The following PLD1 variants were observed in gnomAD, a reference collection of about 807,000 sequenced individuals.
PLD1 encodes phospholipase D1, also known as choline phosphatase 1.
In PLD1, 112 loss-of-function variants were observed where a neutral mutation model predicts 137.1. The ratio of observed to expected loss-of-function variants is 0.82; its 90% CI spans 0.70 to 0.96. PLD1 has a LOEUF of 0.96. PLD1 is among the 40% of genes least tolerant of loss of function. The pLI, the probability that PLD1 is intolerant of heterozygous loss-of-function variation, is 0.00. For synonymous variants in PLD1, 431 were observed against 454.7 expected (o/e 0.95, Z 0.66); for missense variants, 1,321 against 1,342.0 (o/e 0.98, Z 0.24).
intron 1 of PLD1, among the ~76,000 whole-genome samples, chr3:171,773,742 A>AGTTT (rs139067977): frequency 0.049 from 7,500 of 151,570 alleles, 451 homozygotes; most frequent in African/African-American, 0.15. Flanking sequence ...TTATTATACC[A>AGTTT]GTTTGTTTGT....
chr3:171,779,882 A>C (rs2108339904), intron 1 of PLD1, among the ~76,000 whole-genome samples: 1 of 150,902 alleles, frequency 6.6e-6, no homozygotes, highest in Middle Eastern at 3.4e-3. Flanking sequence ...AACATTCAGG[A>C]CTGGGGTTTG....
rs571538714 is a variant in PLD1 at position 171,680,242 on chromosome 3, C to CTTTTTTTTTTTTTTTT, written c.1868-2564_1868-2549dup. On this transcript the variant is annotated intron_variant, in intron 16 of 26. Coordinates refer to ENST00000351298, the MANE Select transcript of PLD1 (RefSeq NM_002662.5). ...GTCTTTTTGTTTTCTTTTTCTTCCT[C>CTTTTTTTTTTTTTTTT]TTTTTTTTTTTTTTTTTTTTTTTTT... Among the ~76,000 whole-genome samples the CTTTTTTTTTTTTTTTT allele has an allele frequency of 9.7e-5, 10 of 102,928 alleles. 1 individual carries two copies. Among genetic ancestry groups the CTTTTTTTTTTTTTTTT allele is most frequent in the Non-Finnish European group, 9.5e-5 (5 of 52,644 alleles). The allele number at this position is 102,928 out of a possible 152,430, so 67.5% of individuals were successfully genotyped here.
intron 23 of PLD1, 25 bp from the exon 24 acceptor site, chr3:171,620,545 A>G (rs1264912845): frequency 7.0e-7 from 1 of 1,420,450 alleles, no homozygotes; most frequent in South Asian, 1.2e-5. Context: ...AGAAATTATT[A>G]AAATTAATAT....
In PLD1 at chr3:171,786,393, C is replaced by G. The variant is rs1416372305; in HGVS notation, c.-32+24006G>C. 4.6e-5 allele frequency among the ~76,000 whole-genome samples: 7 copies of G among 152,236 alleles called. No homozygotes were observed. The East Asian group carries it at 1.4e-3, about 29-fold the overall frequency. On this transcript the variant is annotated intron_variant, in intron 1 of 26. Coordinates refer to ENST00000351298, the MANE Select transcript of PLD1 (RefSeq NM_002662.5). ...TTGTCTTTCTAAACCAAGGAGCAGCCACCCTCAAGTCCATCTGGAAATGGC... is the reference window on the plus strand; with the variant it reads ...TTGTCTTTCTAAACCAAGGAGCAGCGACCCTCAAGTCCATCTGGAAATGGC...
chr3:171,808,522 C>T (rs998895909), intron 1 of PLD1, among the ~76,000 whole-genome samples: 2 of 151,934 alleles, frequency 1.3e-5, no homozygotes, highest in African/African-American at 4.8e-5. Context: ...GGCGACAGAG[C>T]GAGACTCCGT....
chr3:171,746,609 T>C (rs1720204764), intron 1 of PLD1, among the ~76,000 whole-genome samples: 3 of 152,044 alleles, frequency 2.0e-5, no homozygotes, highest in African/African-American at 7.2e-5. Flanking sequence ...CAGTCAGTGC[T>C]CTGTGTCTAG....
Position 171,612,246 on chromosome 3 carries a change from A to G in PLD1, c.2882+33T>C. ...GGTCCCAGCGACTGCTGCAGTGGAA[A>G]TGCATCAGAGAGACACACTTTGGCG... On this transcript the variant is annotated intron_variant, in intron 25 of 26. Transcript: ENST00000351298. This position sits in a 1 kb window ranked among gnomAD's most constrained non-coding sequence, Gnocchi z 4.1. The G allele has an allele frequency of 6.2e-7, 1 of 1,603,892 alleles. No individual in the cohort carries two copies. Among genetic ancestry groups the G allele is most frequent in the South Asian group, 1.1e-5 (1 of 90,452 alleles).
chr3:171,739,794 G>C (rs1396374179), intron 1 of PLD1, among the ~76,000 whole-genome samples: 2 of 152,164 alleles, frequency 1.3e-5, no homozygotes, highest in Non-Finnish European at 2.9e-5. Context: ...CACACAGCTG[G>C]TAAGTGGTGA....
chr3:171,659,274 C>A lies in PLD1; in HGVS notation c.2368G>T (p.Asp790Tyr), dbSNP rs1329710191. 2 of 1,613,200 alleles carry A rather than the reference C, an allele frequency of 1.2e-6. No homozygotes were observed. Among genetic ancestry groups the A allele is most frequent in the East Asian group, 2.2e-5 (1 of 44,874 alleles). The stretch of plus-strand genomic sequence containing the variant: ...CCTATCTTGTTGAACACAACTTTGT[C>A]ATCAGCACAGCTTATGAAAAACTGG... Reference protein sequence around the residue: ...ENQFFISCADDKVVFNKIGDA... With the variant: ...ENQFFISCADYKVVFNKIGDA... Residue 790 changes from aspartate to tyrosine, a missense_variant, in exon 21 of 27, where the codon GAC becomes TAC. Asp to Tyr is a radical substitution (Grantham distance 160). Transcript: ENST00000351298.
intron 8 of PLD1, among the ~76,000 whole-genome samples, chr3:171,714,978 A>G (rs1460284117): frequency 1.3e-5 from 2 of 152,266 alleles, no homozygotes; most frequent in Non-Finnish European, 2.9e-5. Context: ...AAATGAATAA[A>G]TTAAAGAAAT....
intron 1 of PLD1, among the ~76,000 whole-genome samples, chr3:171,772,848 A>C (rs1393109439): frequency 2.6e-5 from 4 of 152,250 alleles, no homozygotes; most frequent in African/African-American, 9.6e-5. Flanking sequence ...CATGCAAAAA[A>C]AGTAGATTCA....
At position 171,602,115 on chromosome 3, in the gene PLD1, T is replaced by C. The variant is rs1252793963; in HGVS notation, c.*963A>G. The C allele has an allele frequency of 6.6e-6, 1 of 152,246 alleles. No individual in the cohort carries two copies. The highest frequency in any genetic ancestry group is 1.9e-4 in the East Asian group (1 of 5,206). 9.4% of individuals were successfully genotyped at this position (152,246 alleles called of 1,614,324 possible). On this transcript the variant is annotated 3_prime_UTR_variant, in exon 27 of 27. Transcript: ENST00000351298. ...CTCTTGAAAGACAAACTGTATTCAC[T>C]AGTTTGATTTTGAAATGTAGAGATC... is the stretch of plus-strand genomic sequence containing the variant.
chr3:171,757,378 G>T (rs1721099884), intron 1 of PLD1, among the ~76,000 whole-genome samples: 1 of 152,252 alleles, frequency 6.6e-6, no homozygotes, highest in African/African-American at 2.4e-5. Flanking sequence ...GAAATTCTGG[G>T]TCAGTGATCA....
chr3:171,719,236 C>T (rs1717911587), intron 8 of PLD1, among the ~76,000 whole-genome samples: 1 of 152,204 alleles, frequency 6.6e-6, no homozygotes, highest in African/African-American at 2.4e-5. Context: ...AAAAGCTGTT[C>T]TCCACCATCC....
intron 15 of PLD1, 99 bp from the exon 16 acceptor site, chr3:171,686,897 A>G (rs1044137293): frequency 8.1e-6 from 5 of 619,304 alleles, no homozygotes; most frequent in Non-Finnish European, 1.4e-5. Context: ...CAGGGCTATA[A>G]CATCAGTCTT....
At chr3:171,758,964 G>C (rs536964306) in intron 1 of PLD1, among the ~76,000 whole-genome samples, 1 of 152,294 alleles carries the variant, frequency 6.6e-6, no homozygotes, top group South Asian at 2.1e-4. Flanking sequence ...GGCAAATACA[G>C]AATCACTCAT....
At chr3:171,689,662 G>A (rs561055075) in intron 13 of PLD1, among the ~76,000 whole-genome samples, 1 of 152,216 alleles carries the variant, frequency 6.6e-6, no homozygotes, top group South Asian at 2.1e-4. Flanking sequence ...CACCATGCCT[G>A]GCTAATCTTT....
intron 6 of PLD1, among the ~76,000 whole-genome samples, chr3:171,727,108 T>C (rs1718577519): frequency 1.3e-5 from 2 of 152,228 alleles, no homozygotes; most frequent in African/African-American, 4.8e-5. Context: ...TTCTTTTGAT[T>C]TTTTTTCAAC....
chr3:171,675,843 C>CTT (rs199846452), intron 18 of PLD1, among the ~76,000 whole-genome samples: 20 of 138,692 alleles, frequency 1.4e-4, no homozygotes, highest in African/African-American at 3.0e-4. Flanking sequence ...TGAATATGTA[C>CTT]TTTTTTTTTT....
Sources: gnomAD v4.1 joint callset for allele counts (sites outside exome capture counted in the v4.1 genomes callset) on GRCh38, gnomAD v4.1.1 for gene constraint, Gnocchi (gnomAD v3.1) non-coding constraint, MANE v1.5 for transcripts, NCBI Gene and HGNC (gene_info 2026-07-23, HGNC 2026-07-21) for gene names.